The following RRP15 variants were observed in gnomAD, a reference collection of about 807,000 sequenced individuals.
RRP15 encodes RRP15-like protein.
In RRP15, 18 loss-of-function variants were observed where a neutral mutation model predicts 27.1. The ratio of observed to expected loss-of-function variants is 0.66; its 90% CI spans 0.46 to 0.98. The LOEUF (loss-of-function observed/expected upper bound fraction) is 0.98, where lower values mean the gene tolerates loss of function less well. RRP15 is among the 50% of genes least tolerant of loss of function. RRP15 has a pLI of 0.00. For missense variants in RRP15, 359 were observed against 337.8 expected, an observed-to-expected ratio of 1.06 and a Z score of -0.49; for synonymous variants, 107 against 109.4, an observed-to-expected ratio of 0.98 and a Z score of 0.14.
intron 4 of RRP15, among the ~76,000 whole-genome samples, chr1:218,324,450 A>G (rs1223812264): frequency 1.3e-5 from 2 of 152,122 alleles, no homozygotes; most frequent in Non-Finnish European, 2.9e-5. Flanking sequence ...TGACACAATT[A>G]TCTGCCTCAG....
At chr1:218,321,970 G>A (rs1656194161) in intron 4 of RRP15, among the ~76,000 whole-genome samples, 2 of 151,948 alleles carry the variant, frequency 1.3e-5, no homozygotes, top group Admixed American at 6.6e-5. Flanking sequence ...TGTCAATCCA[G>A]TGTGTAATGT....
chr1:218,311,415 A>G (rs1558207930), intron 4 of RRP15, among the ~76,000 whole-genome samples: 1 of 152,058 alleles, frequency 6.6e-6, no homozygotes, highest in Non-Finnish European at 1.5e-5. Flanking sequence ...CAATAATAAT[A>G]CTTACTTTCT....
Position 218,285,351 on chromosome 1 carries a change from A to T in RRP15, c.35A>T (p.Glu12Val). ...AAAAPDSRVS[E>V]EENLKKTPKK... ...GCCGCTCCGGACTCACGTGTGAGTG[A>T]GGAAGAAAACCTGAAAAAGACCCCA... is the stretch of plus-strand genomic sequence containing the variant. The change falls in exon 1 of 5, where the codon GAG becomes GTG. Residue 12 changes from glutamate to valine, a missense_variant. By Grantham distance (121) the Glu-to-Val change is moderately radical (BLOSUM62 -2). Transcript: ENST00000366932. 6.2e-7 allele frequency: 1 copy of T among 1,614,160 alleles called. No homozygotes were observed. The highest frequency in any genetic ancestry group is 8.5e-7 in the Non-Finnish European group (1 of 1,180,024).
intron 4 of RRP15, among the ~76,000 whole-genome samples, chr1:218,308,928 GA>G (rs1655945416): frequency 1.3e-5 from 2 of 152,186 alleles, no homozygotes; most frequent in African/African-American, 2.4e-5. Context: ...GAACTAGTGG[GA>G]AGATGAAGAG....
intron 4 of RRP15, among the ~76,000 whole-genome samples, chr1:218,318,616 A>G (rs1011269604): frequency 5.3e-5 from 8 of 152,212 alleles, no homozygotes; most frequent in African/African-American, 1.9e-4. Flanking sequence ...TTTTTTTGCC[A>G]TAATTACATC....
intron 2 of RRP15, 112 bp downstream of exon 2, chr1:218,302,671 G>A: frequency 6.8e-7 from 1 of 1,472,242 alleles, no homozygotes; most frequent in East Asian, 2.3e-5. Flanking sequence ...TTTTTAACTT[G>A]TTTTTTATGT....
rs908747641 is a variant in RRP15 at position 218,332,991 on chromosome 1, A to G, written c.*1900A>G. The G allele has an allele frequency of 6.6e-6, 1 of 152,174 alleles. No homozygotes were observed. Among genetic ancestry groups the G allele is most frequent in the Non-Finnish European group, 1.5e-5 (1 of 68,012 alleles). The allele number at this position is 152,174 out of a possible 1,614,324, so 9.4% of individuals were successfully genotyped here. A position where few individuals can be genotyped will look rare whatever the true frequency, so the allele number is the denominator to read the frequency against. On this transcript the variant is annotated 3_prime_UTR_variant, in exon 5 of 5. Transcript: ENST00000366932. ...GAGTTTTGCAGGAATTTTTCTGAAT[A>G]GTACATTCACATGATAGATACGGAT... is the stretch of plus-strand genomic sequence containing the variant.
intron 4 of RRP15, among the ~76,000 whole-genome samples, chr1:218,313,502 T>C (rs929441993): frequency 1.3e-5 from 2 of 152,158 alleles, no homozygotes; most frequent in Admixed American, 6.6e-5. Context: ...ATATGGAACA[T>C]GTCTGAGAGG....
intron 1 of RRP15, among the ~76,000 whole-genome samples, chr1:218,300,605 C>T (rs1655797458): frequency 6.6e-6 from 1 of 152,136 alleles, no homozygotes; most frequent in African/African-American, 2.4e-5. Context: ...CTTCCATTTA[C>T]TTTGGTCATA....
chr1:218,306,492 A>G (rs1655900902), intron 3 of RRP15, among the ~76,000 whole-genome samples: 2 of 152,186 alleles, frequency 1.3e-5, no homozygotes, highest in South Asian at 4.1e-4. Flanking sequence ...GATAAAGAGC[A>G]GTCAGGTGCA....
rs75651267 is a variant in RRP15, at chr1:218,300,429, T to A, written c.140-1865T>A. 9.8e-3 allele frequency among the ~76,000 whole-genome samples: 1,496 copies of A among 152,312 alleles called. 13 individuals are homozygous for A. The highest frequency in any genetic ancestry group is 0.036 in the South Asian group (173 of 4,828). Reference sequence around the variant, plus strand: ...GAAACGTATTAATGTTTTACATCATTTTTTGTTTCATGAATTTTCAGCACT... The same window carrying A: ...GAAACGTATTAATGTTTTACATCATATTTTGTTTCATGAATTTTCAGCACT... On this transcript the variant is annotated intron_variant, in intron 1 of 4. Coordinates refer to ENST00000366932, the MANE Select transcript of RRP15 (RefSeq NM_016052.4).
chr1:218,291,016 G>A (rs1655629503), intron 1 of RRP15, among the ~76,000 whole-genome samples: 1 of 151,124 alleles, frequency 6.6e-6, no homozygotes, highest in Non-Finnish European at 1.5e-5. Flanking sequence ...CCGTGTGCCT[G>A]TAATCCCAGC....
chr1:218,312,186 T>C (rs1241633541), intron 4 of RRP15, among the ~76,000 whole-genome samples: 2 of 152,204 alleles, frequency 1.3e-5, no homozygotes, highest in Non-Finnish European at 2.9e-5. Context: ...CAATTTGTTA[T>C]GGCAGCCACA....
intron 4 of RRP15, 96 bp from the exon 5 acceptor site, chr1:218,330,852 A>G: frequency 4.0e-6 from 4 of 999,204 alleles, no homozygotes; most frequent in Non-Finnish European, 6.0e-6. Flanking sequence ...TATTTTAAAA[A>G]CTAAGCATTG....
intron 1 of RRP15, among the ~76,000 whole-genome samples, chr1:218,299,886 A>G (rs1655784073): frequency 1.3e-5 from 2 of 152,132 alleles, no homozygotes; most frequent in South Asian, 4.1e-4. Flanking sequence ...CACTGGTCCT[A>G]GGAGATGCCT....
intron 2 of RRP15, 72 bp downstream of exon 2, chr1:218,302,631 C>A: frequency 6.5e-7 from 1 of 1,539,816 alleles, no homozygotes; most frequent in Non-Finnish European, 8.7e-7. Flanking sequence ...CGAACTGTTT[C>A]TTGCAGTGTT....
At chr1:218,299,418 G>A (rs937909295) in intron 1 of RRP15, among the ~76,000 whole-genome samples, 2 of 151,978 alleles carry the variant, frequency 1.3e-5, no homozygotes. Context: ...GTAGTCAAGC[G>A]GGGTAAGAAA....
In RRP15 at chr1:218,330,937, A is replaced by T; in HGVS notation, c.706-11A>T. On this transcript the variant is annotated splice_polypyrimidine_tract_variant and intron_variant, in intron 4 of 4. Coordinates refer to ENST00000366932, the MANE Select transcript of RRP15 (RefSeq NM_016052.4). ...GACTTTTGAATATTTTGATTCTATA[A>T]TTTTCCTTAGACTGAAGTGAAATCA... 1 of 1,607,338 alleles carries T rather than the reference A, an allele frequency of 6.2e-7. No homozygotes were observed. The highest frequency in any genetic ancestry group is 2.2e-5 in the East Asian group (1 of 44,810).
chr1:218,331,260 T>A lies in RRP15; in HGVS notation c.*169T>A, dbSNP rs1179391331. 2.1e-6 allele frequency: 1 copy of A among 483,170 alleles called. No individual in the cohort carries two copies. The highest frequency in any genetic ancestry group is 3.6e-6 in the Non-Finnish European group (1 of 281,250). 29.9% of individuals were successfully genotyped at this position (483,170 alleles called of 1,614,324 possible). ...CACTTTATATATACTTCATTAAAAT[T>A]ATATTTTAAACCCTTGTATAATTTT... On this transcript the variant is annotated 3_prime_UTR_variant, in exon 5 of 5. Transcript: ENST00000366932.
Sources: gnomAD v4.1 joint callset for allele counts (sites outside exome capture counted in the v4.1 genomes callset) on GRCh38, gnomAD v4.1.1 for gene constraint, MANE v1.5 for transcripts, NCBI Gene and HGNC (gene_info 2026-07-23, HGNC 2026-07-21) for gene names.